Variants in PDE4D observed in about 807,000 individuals in gnomAD.
PDE4D encodes 3',5'-cyclic-AMP phosphodiesterase 4D.
PDE4D carries 24 observed loss-of-function variants against 87.4 expected under a neutral mutation model. That is an observed-to-expected ratio of 0.27 (90% CI 0.20 to 0.39). The LOEUF is 0.39. PDE4D is among the 10% of genes least tolerant of loss of function. The pLI, the probability that PDE4D is intolerant of heterozygous loss-of-function variation, is 1.00. For missense variants in PDE4D, 714 were observed against 1,041.0 expected (o/e 0.69, Z 4.32); for synonymous variants, 384 against 383.2 (o/e 1.00, Z -0.02).
At chr5:60,107,448 A>G (rs1582691058) in intron 2 of PDE4D, among the ~76,000 whole-genome samples, 1 of 152,212 alleles carries the variant, frequency 6.6e-6, no homozygotes, top group Non-Finnish European at 1.5e-5. Flanking sequence ...AGCTGCTACC[A>G]TTCCTTCTGA....
intron 11 of PDE4D, among the ~76,000 whole-genome samples, chr5:58,980,955 G>A (rs2153317922): frequency 6.6e-6 from 1 of 152,256 alleles, no homozygotes; most frequent in South Asian, 2.1e-4. Context: ...CCTGATGTTA[G>A]AGGCAGGAGA....
At chr5:60,456,257 G>C (rs1444101881) in intron 1 of PDE4D, among the ~76,000 whole-genome samples, 1 of 152,156 alleles carries the variant, frequency 6.6e-6, no homozygotes, top group Non-Finnish European at 1.5e-5. Context: ...TATCCACATG[G>C]CTCTGCAGAA....
At chr5:59,381,669 A>T (rs573323798) in intron 1 of PDE4D, among the ~76,000 whole-genome samples, 1 of 152,236 alleles carries the variant, frequency 6.6e-6, no homozygotes, top group Admixed American at 6.6e-5. Flanking sequence ...CAGTGCAAAT[A>T]TCACGTCTTT....
At chr5:59,777,072 A>T (rs1437314760) in intron 1 of PDE4D, among the ~76,000 whole-genome samples, 1 of 152,178 alleles carries the variant, frequency 6.6e-6, no homozygotes, top group Admixed American at 6.5e-5. Flanking sequence ...TTCCACAAAC[A>T]TCTCCTTGAA....
chr5:60,052,000 GA>G (rs1770219484), intron 2 of PDE4D, among the ~76,000 whole-genome samples: 2 of 152,078 alleles, frequency 1.3e-5, no homozygotes, highest in African/African-American at 4.8e-5. Flanking sequence ...GGAAGAAATT[GA>G]ATCCCTAAAT....
chr5:59,560,398 C>CCATT (rs757462859), intron 1 of PDE4D, among the ~76,000 whole-genome samples: 10 of 152,178 alleles, frequency 6.6e-5, no homozygotes, highest in Non-Finnish European at 1.5e-4. Flanking sequence ...CAAAAAAAAC[C>CCATT]CATTCATTCA....
chr5:59,893,467 A>C lies in PDE4D; in HGVS notation c.156T>G (p.His52Gln). The C allele has an allele frequency of 2.6e-6, 4 of 1,532,996 alleles. No homozygotes were observed. Among genetic ancestry groups the C allele is most frequent in the Non-Finnish European group, 3.5e-6 (4 of 1,138,882 alleles). The allele number at this position is 1,532,996 out of a possible 1,614,324, so 95.0% of individuals were successfully genotyped here. The change falls in exon 1 of 15, where the codon CAT becomes CAG. Residue 52 changes from histidine (H) to glutamine (Q), a missense_variant. His to Gln is a conservative substitution (Grantham distance 24, BLOSUM62 0). This residue lies in a region of PDE4D where 268 missense variants were observed against 272.9 expected (regional missense o/e 0.98). Transcript: ENST00000340635. ...GCGGCGGGGGCAGGTGGTGATGGGG[A>C]TGCAGGAGGCGGAACTGGGGCTGCC... ...PLRQPQFRLL[H>Q]PHHHLPPPPP...
chr5:59,205,211 T>TA (rs397734492), intron 2 of PDE4D, among the ~76,000 whole-genome samples: 2 of 152,148 alleles, frequency 1.3e-5, no homozygotes, highest in South Asian at 2.1e-4. Flanking sequence ...ATTTTTTTTT[T>TA]AAACTATACG....
intron 2 of PDE4D, among the ~76,000 whole-genome samples, chr5:60,081,085 A>G (rs1773877685): frequency 6.6e-6 from 1 of 151,530 alleles, no homozygotes; most frequent in South Asian, 2.1e-4. Flanking sequence ...CAGGAATTTG[A>G]CTTCTTCCTG....
chr5:60,028,665 A>G (rs1766912187), intron 2 of PDE4D, among the ~76,000 whole-genome samples: 1 of 152,056 alleles, frequency 6.6e-6, no homozygotes, highest in South Asian at 2.1e-4. Flanking sequence ...ACATTCCTCA[A>G]CTGCCTCTTT....
chr5:60,282,466 G>A (rs1406733870), intron 1 of PDE4D, among the ~76,000 whole-genome samples: 1 of 152,004 alleles, frequency 6.6e-6, no homozygotes, highest in African/African-American at 2.4e-5. Context: ...GGCTTTCATA[G>A]AAATAATGAG....
intron 2 of PDE4D, among the ~76,000 whole-genome samples, chr5:60,077,277 GGT>G (rs1773401597): frequency 6.6e-6 from 1 of 152,210 alleles, no homozygotes; most frequent in Non-Finnish European, 1.5e-5. Flanking sequence ...CACATATCCT[GGT>G]GGGGTAAGGA....
chr5:60,055,164 C>A (rs1770640290), intron 2 of PDE4D, among the ~76,000 whole-genome samples: 1 of 151,954 alleles, frequency 6.6e-6, no homozygotes, highest in Non-Finnish European at 1.5e-5. Flanking sequence ...GACAATATAT[C>A]TTTTGATTTA....
intron 1 of PDE4D, among the ~76,000 whole-genome samples, chr5:60,207,672 C>T (rs553567455): frequency 2.6e-4 from 39 of 152,154 alleles, no homozygotes; most frequent in Non-Finnish European, 4.9e-4. Context: ...AGTAAACATT[C>T]TCTCCCCAAT....
intron 1 of PDE4D, among the ~76,000 whole-genome samples, chr5:60,466,689 C>T (rs939314534): frequency 6.6e-6 from 1 of 152,162 alleles, no homozygotes; most frequent in Non-Finnish European, 1.5e-5. Flanking sequence ...TGGAAGATTT[C>T]TTGATTACAC....
rs1041210081 is a variant in PDE4D, at chr5:58,985,900, T to C, written c.1552+2593A>G. 3.3e-5 allele frequency among the ~76,000 whole-genome samples: 5 copies of C among 152,378 alleles called. No individual in the cohort carries two copies. In the East Asian group the frequency reaches 9.6e-4, roughly 29 times the overall value. Reference sequence around the variant, plus strand: ...ATGCTGGGAAGATAATTCTCTTACATGATCCCTAGCCAAACCAAACTAACT... The same window carrying C: ...ATGCTGGGAAGATAATTCTCTTACACGATCCCTAGCCAAACCAAACTAACT... On this transcript the variant is annotated intron_variant, in intron 11 of 14. Coordinates refer to ENST00000340635, the MANE Select transcript of PDE4D (RefSeq NM_001104631.2).
intron 1 of PDE4D, among the ~76,000 whole-genome samples, chr5:59,710,811 T>C (rs567312492): frequency 8.1e-4 from 124 of 152,314 alleles, no homozygotes; most frequent in Non-Finnish European, 1.4e-3. Context: ...AATTATGTTA[T>C]AAAGAATAGG....
chr5:59,029,258 A>C (rs1466382204), intron 6 of PDE4D, among the ~76,000 whole-genome samples: 1 of 3,342 alleles, frequency 3.0e-4, no homozygotes, highest in Non-Finnish European at 7.1e-4. Context: ...TTAAAAATAC[A>C]AAAAAAAAAA....
At chr5:59,838,741 G>C (rs918691182) in intron 1 of PDE4D, among the ~76,000 whole-genome samples, 3 of 152,024 alleles carry the variant, frequency 2.0e-5, no homozygotes, top group Admixed American at 1.3e-4. Flanking sequence ...AAAGGCAACT[G>C]TCTACAGGGC....
Sources: allele counts gnomAD v4.1 joint callset (sites outside exome capture counted in the v4.1 genomes callset), GRCh38; gene constraint gnomAD v4.1.1; regional missense constraint gnomAD v4.1.1; transcripts MANE v1.5; gene names NCBI Gene and HGNC (gene_info 2026-07-23, HGNC 2026-07-21).